Variants in DNAH11 observed in about 807,000 individuals in gnomAD.
DNAH11 encodes the protein axonemal beta dynein heavy chain 11.
DNAH11 carries 442 observed loss-of-function variants against 526.0 expected under a neutral mutation model. The ratio of observed to expected loss-of-function variants is 0.84; its 90% confidence interval spans 0.78 to 0.91. The LOEUF is 0.91. Ranked by LOEUF, DNAH11 falls within the 40% of genes least tolerant of loss-of-function variation. The pLI, the probability that DNAH11 is intolerant of heterozygous loss-of-function variation, is 0.00. For synonymous variants in DNAH11, 2,461 were observed against 1,935.9 expected (o/e 1.27, Z -7.12); for missense variants, 6,989 against 5,448.7 (o/e 1.28, Z -8.90).
rs748680378 is a variant in DNAH11 at position 21,636,023 on chromosome 7, C to A, written c.4653C>A (p.Val1551=). The A allele has an allele frequency of 1.2e-6, 2 of 1,613,668 alleles. No homozygotes were observed. Reference sequence around the variant, plus strand: ...GGTCTCACCTGGAAAGCATTTTTGTCTGTTCAGAAGATATTCGAATCCAGC... The same window carrying A: ...GGTCTCACCTGGAAAGCATTTTTGTATGTTCAGAAGATATTCGAATCCAGC... ...RTWSHLESIF[V]CSEDIRIQLV... Residue 1551 remains valine, a synonymous_variant, in exon 26 of 82, where the codon GTC becomes GTA. Coordinates refer to ENST00000409508, the MANE Select transcript of DNAH11 (RefSeq NM_001277115.2).
Position 21,564,362 on chromosome 7 carries a change from T to G in DNAH11, c.1159T>G (p.Leu387Val), listed in dbSNP as rs778901546. Residue 387 changes from leucine (L) to valine (V), a missense_variant, in exon 6 of 82, where the codon TTA (leucine) becomes GTA (valine). Transcript: ENST00000409508. ...TAACACCCCAGCTCGGGTTATAGTT[T>G]TATTGCAAGAGTTTTGTAATCTCTT... ...FYNTPARVIVLLQEFCNLFIN... is the reference protein window; with the variant it reads ...FYNTPARVIVVLQEFCNLFIN... 3 of 1,613,350 alleles carry G rather than the reference T, an allele frequency of 1.9e-6. No homozygotes were observed. The South Asian group carries it at 3.3e-5, about 18-fold the overall frequency.
In DNAH11 at chr7:21,854,394, T is replaced by A. The variant is rs1230748044; in HGVS notation, c.11141T>A (p.Leu3714His). The change falls in exon 68 of 82, where the codon CTT (leucine) becomes CAT (histidine). Residue 3714 changes from leucine (L) to histidine (H), a missense_variant. Leu to His is a moderately conservative substitution (Grantham distance 99, BLOSUM62 -3). Coordinates refer to ENST00000409508, the MANE Select transcript of DNAH11 (RefSeq NM_001277115.2). ...CYRPVAARAS[L>H]LYFVINDLQK... ...AGACCAGTGGCAGCAAGAGCATCTC[T>A]TCTTTATTTTGTTATTAATGACCTC... 10 of 1,613,766 alleles carry A rather than the reference T, an allele frequency of 6.2e-6. No individual in the cohort carries two copies. Among genetic ancestry groups the A allele is most frequent in the Non-Finnish European group, 8.5e-6 (10 of 1,179,786 alleles).
chr7:21,745,708 ACAAGAGAATAAG>A (rs1440737858), intron 51 of DNAH11, among the ~76,000 whole-genome samples: 1 of 152,234 alleles, frequency 6.6e-6, no homozygotes, highest in Non-Finnish European at 1.5e-5. Context: ...GAACAACTAA[ACAAGAGAATAAG>A]CAAGAAAAAT....
intron 35 of DNAH11, among the ~76,000 whole-genome samples, chr7:21,695,739 A>G: frequency 6.6e-6 from 1 of 152,208 alleles, no homozygotes; most frequent in East Asian, 1.9e-4. Context: ...AAATTGACAA[A>G]TGGGATCTAA....
chr7:21,673,805 TCAC>T (rs1459947453), intron 30 of DNAH11, among the ~76,000 whole-genome samples: 1 of 152,212 alleles, frequency 6.6e-6, no homozygotes, highest in Admixed American at 6.5e-5. Context: ...CTTTTTCTCA[TCAC>T]CACAACCTAT....
intron 45 of DNAH11, among the ~76,000 whole-genome samples, chr7:21,732,743 T>A (rs772704165): frequency 1.3e-5 from 2 of 152,228 alleles, no homozygotes; most frequent in Non-Finnish European, 2.9e-5. Flanking sequence ...TCTATACTGC[T>A]CTTCTTAACA....
chr7:21,545,173 A>G lies in DNAH11; in HGVS notation c.495+24A>G, dbSNP rs370743575. ...AGGTACTGGTCTGTCTTTAATATTT[A>G]AAGCTTTCACTTATCTCCATGACAT... On this transcript the variant is annotated intron_variant, in intron 2 of 81. Transcript: ENST00000409508. The G allele has an allele frequency of 2.5e-6, 4 of 1,570,792 alleles. No individual in the cohort carries two copies. In the African/African-American group the frequency reaches 5.5e-5, roughly 21 times the overall value.
At position 21,612,011 on chromosome 7, in the gene DNAH11, A is replaced by G. The variant is rs138971129; in HGVS notation, c.3853-3103A>G. On this transcript the variant is annotated intron_variant, in intron 20 of 81. Transcript: ENST00000409508. The stretch of plus-strand genomic sequence containing the variant: ...GGTGAAATCATCAAGGGAAAAACAG[A>G]AAAACAGCAAAATTAACAGTATTAG... 3.7e-3 allele frequency among the ~76,000 whole-genome samples: 560 copies of G among 152,328 alleles called. 18 individuals are homozygous for G. Among genetic ancestry groups the G allele is most frequent in the Admixed American group, 0.027 (414 of 15,290 alleles).
Position 21,765,610 on chromosome 7 carries a change from T to TCAGACACACACA in DNAH11, c.9102+23_9102+24insGACACACACACA, listed in dbSNP as rs71557520. ...TTGAGGTATGCCGTGTCAGCCTGCGTCACACACACACACACACACACACAC... is the reference window on the plus strand; with the variant it reads ...TTGAGGTATGCCGTGTCAGCCTGCGTCAGACACACACACACACACACACACACACACACACAC... On this transcript the variant is annotated intron_variant, in intron 55 of 81. Coordinates refer to ENST00000409508, the MANE Select transcript of DNAH11 (RefSeq NM_001277115.2). 97 of 956,500 alleles carry TCAGACACACACA rather than the reference T, an allele frequency of 1.0e-4. 2 individuals carry two copies. The African/African-American group carries it at 1.4e-3, about 14-fold the overall frequency. 59.3% of individuals were successfully genotyped at this position (956,500 alleles called of 1,614,324 possible). A position where few individuals can be genotyped will look rare whatever the true frequency, so the allele number is the denominator to read the frequency against.
chr7:21,666,567 A>T (rs114520086), intron 30 of DNAH11, among the ~76,000 whole-genome samples: 1 of 152,130 alleles, frequency 6.6e-6, no homozygotes, highest in African/African-American at 2.4e-5. Flanking sequence ...AAATACCAGT[A>T]TACATATAAG....
intron 81 of DNAH11, 171 bp from the exon 82 acceptor site, chr7:21,900,836 G>GGTAACCTACCTTT: frequency 1.8e-6 from 2 of 1,103,972 alleles, no homozygotes; most frequent in Non-Finnish European, 2.5e-6. Flanking sequence ...CTGCAGGCAG[G>GGTAACCTACCTTT]GTAACCTACC....
At chr7:21,704,673 G>A (rs754103973) in intron 38 of DNAH11, 45 bp downstream of exon 38, 1 of 1,569,978 alleles carries the variant, frequency 6.4e-7, no homozygotes, top group African/African-American at 1.4e-5. Flanking sequence ...GGGATTGTCA[G>A]TGGAAATAAT....
intron 35 of DNAH11, among the ~76,000 whole-genome samples, chr7:21,691,859 A>G (rs1783645971): frequency 2.0e-5 from 3 of 152,164 alleles, no homozygotes; most frequent in African/African-American, 7.2e-5. Context: ...ATTATAATGA[A>G]GTAGCAGGCT....
chr7:21,689,863 C>G (rs1783537514), intron 34 of DNAH11, among the ~76,000 whole-genome samples: 2 of 152,182 alleles, frequency 1.3e-5, no homozygotes, highest in Non-Finnish European at 2.9e-5. Context: ...CTCGTTTACC[C>G]TCATTTGAAA....
At chr7:21,578,037 C>T (rs752120824) in intron 8 of DNAH11, among the ~76,000 whole-genome samples, 1 of 152,130 alleles carries the variant, frequency 6.6e-6, no homozygotes, top group African/African-American at 2.4e-5. Flanking sequence ...CCTCAGGAAA[C>T]TTACAATCAT....
At chr7:21,834,198 G>C (rs1219090317) in intron 65 of DNAH11, among the ~76,000 whole-genome samples, 2 of 152,030 alleles carry the variant, frequency 1.3e-5, no homozygotes, top group African/African-American at 2.4e-5. Context: ...TCAATAACAG[G>C]AGAAACTTTG....
chr7:21,655,067 T>TC (rs139307182), intron 28 of DNAH11, among the ~76,000 whole-genome samples: 5,610 of 150,956 alleles, frequency 0.037, 249 homozygotes, highest in East Asian at 0.13. Context: ...TTGTTGGTTT[T>TC]CCCCCCCCAC....
chr7:21,857,932 C>T (rs11770247), intron 68 of DNAH11, among the ~76,000 whole-genome samples: 78,215 of 151,852 alleles, frequency 0.52, 21,580 homozygotes, highest in Non-Finnish European at 0.63. Context: ...TAAATTGAAC[C>T]TTATCAAGCT....
intron 61 of DNAH11, among the ~76,000 whole-genome samples, chr7:21,799,741 T>C (rs1414152052): frequency 1.3e-5 from 2 of 152,224 alleles, no homozygotes; most frequent in African/African-American, 2.4e-5. Flanking sequence ...ATATACATAT[T>C]TGTGTATATA....
Sources: gnomAD v4.1 joint callset for allele counts (sites outside exome capture counted in the v4.1 genomes callset) on GRCh38, gnomAD v4.1.1 for gene constraint, MANE v1.5 for transcripts, NCBI Gene and HGNC (gene_info 2026-07-23, HGNC 2026-07-21) for gene names.